The following PTPRD variants were observed in gnomAD, a reference collection of about 807,000 sequenced individuals.
PTPRD encodes the protein receptor-type tyrosine-protein phosphatase delta.
In PTPRD, 34 loss-of-function variants were observed where a neutral mutation model predicts 214.5. The ratio of observed to expected loss-of-function variants is 0.16; its 90% CI spans 0.12 to 0.21. The LOEUF is 0.21. Ranked by LOEUF, PTPRD falls within the 10% of genes least tolerant of loss-of-function variation. The pLI is 1.00. For synonymous variants in PTPRD, 1,128 were observed against 845.7 expected, an observed-to-expected ratio of 1.33 and a Z score of -5.79; for missense variants, 2,545 against 2,398.7, an observed-to-expected ratio of 1.06 and a Z score of -1.27.
At chr9:9,845,154 ATATATAGAGCAATATATATATATATATT>A (rs2059264843) in intron 5 of PTPRD, among the ~76,000 whole-genome samples, 1 of 10,058 alleles carries the variant, frequency 9.9e-5, no homozygotes, top group African/African-American at 2.1e-4. Context: ...ATATTGCTCT[ATATATAGAGCAATATATATATATATATT>A]GCTCTATATA....
chr9:10,280,195 G>T (rs1159698819), intron 3 of PTPRD, among the ~76,000 whole-genome samples: 1 of 152,002 alleles, frequency 6.6e-6, no homozygotes, highest in Non-Finnish European at 1.5e-5. Context: ...TCCAGTAGAA[G>T]TTTCCTTCCA....
rs192979543 is a variant in PTPRD at position 8,852,791 on chromosome 9, G to A, written c.-103-118845C>T. ...TGTCTCTCTCTTTTTTCCCCCTTTT[G>A]GTAATTTTCAAAATGTCATAGGCCA... On this transcript the variant is annotated intron_variant, in intron 11 of 45. Coordinates refer to ENST00000381196, the MANE Select transcript of PTPRD (RefSeq NM_002839.4). Among the ~76,000 whole-genome samples, 5 of 152,070 alleles carry A rather than the reference G, an allele frequency of 3.3e-5. No individual in the cohort carries two copies. The East Asian group carries it at 7.7e-4, about 23-fold the overall frequency.
At chr9:8,826,732 T>C (rs981128676) in intron 11 of PTPRD, among the ~76,000 whole-genome samples, 8 of 151,938 alleles carry the variant, frequency 5.3e-5, no homozygotes. Context: ...ATGGCAAGCA[T>C]AGTATCTCTT....
chr9:8,545,612 G>A (rs1426626550), intron 14 of PTPRD, among the ~76,000 whole-genome samples: 8 of 152,152 alleles, frequency 5.3e-5, no homozygotes, highest in Admixed American at 4.6e-4. Flanking sequence ...TCAAAGTCAT[G>A]CTCTTTGGTA....
At chr9:9,525,952 T>G (rs2154259753) in intron 8 of PTPRD, among the ~76,000 whole-genome samples, 1 of 152,308 alleles carries the variant, frequency 6.6e-6, no homozygotes, top group African/African-American at 2.4e-5. Context: ...CATATGTTCC[T>G]TTCAAACCAT....
chr9:8,481,203 G>T (rs10815886), intron 30 of PTPRD, among the ~76,000 whole-genome samples: 42,183 of 146,952 alleles, frequency 0.29, 5,934 homozygotes, highest in East Asian at 0.38. Flanking sequence ...ATTTTACACT[G>T]AATTTATTTT....
rs566766723 is a variant in PTPRD, at chr9:10,110,595, T to C, written c.-544-76805A>G. Among the ~76,000 whole-genome samples the C allele has an allele frequency of 3.3e-5, 5 of 150,602 alleles. No individual in the cohort carries two copies. The South Asian group carries it at 1.1e-3, about 32-fold the overall frequency. ...TTGGTTGCCTGAGATTGTTTCAAAA[T>C]GGAGGAAAAGAGCAATTTTGTCTCA... is the stretch of plus-strand genomic sequence containing the variant. On this transcript the variant is annotated intron_variant, in intron 3 of 45. Transcript: ENST00000381196.
chr9:9,591,946 G>A lies in PTPRD; in HGVS notation c.-286-17165C>T, dbSNP rs79083555. 3.2e-3 allele frequency among the ~76,000 whole-genome samples: 484 copies of A among 151,962 alleles called. 9 individuals are homozygous for A. Among genetic ancestry groups the A allele is most frequent in the Admixed American group, 0.024 (368 of 15,254 alleles). ...AATTGTAATTTTGTACCCAATCACC[G>A]GTCTCTCTCCATTCTCCCCACACAG... On this transcript the variant is annotated intron_variant, in intron 7 of 45. Coordinates refer to ENST00000381196, the MANE Select transcript of PTPRD (RefSeq NM_002839.4).
At position 10,566,880 on chromosome 9, in the gene PTPRD, C is replaced by G. The variant is rs1450102991; in HGVS notation, c.-600+45518G>C. ...TCAAAATCATTCTCTCCCTTATCCT[C>G]ATAGGAATAGTCTGTTTATCCAGCA... is the stretch of plus-strand genomic sequence containing the variant. On this transcript the variant is annotated intron_variant, in intron 2 of 45. Transcript: ENST00000381196. 9.2e-5 allele frequency among the ~76,000 whole-genome samples: 14 copies of G among 152,172 alleles called. No homozygotes were observed. In the East Asian group the frequency reaches 2.5e-3, roughly 27 times the overall value.
chr9:9,599,618 A>C (rs1376844511), intron 7 of PTPRD, among the ~76,000 whole-genome samples: 1 of 151,640 alleles, frequency 6.6e-6, no homozygotes. Context: ...CATTCTGAGT[A>C]ATTTCCACAA....
intron 2 of PTPRD, among the ~76,000 whole-genome samples, chr9:10,470,393 A>G (rs140947330): frequency 1.6e-3 from 238 of 152,312 alleles, no homozygotes; most frequent in African/African-American, 5.4e-3. Flanking sequence ...ATCATAGTAA[A>G]TGGATTTCAA....
chr9:8,830,601 C>T (rs1046783513), intron 11 of PTPRD, among the ~76,000 whole-genome samples: 2 of 152,100 alleles, frequency 1.3e-5, no homozygotes, highest in African/African-American at 4.8e-5. Context: ...CAACTCCCCC[C>T]AGTGAGGAGT....
intron 3 of PTPRD, among the ~76,000 whole-genome samples, chr9:10,190,740 A>AAAAAAAAAAT (rs2099360356): frequency 6.6e-6 from 1 of 151,272 alleles, no homozygotes; most frequent in African/African-American, 2.4e-5. Flanking sequence ...AAAAAAAAAA[A>AAAAAAAAAAT]AAAGTCAAAG....
intron 5 of PTPRD, among the ~76,000 whole-genome samples, chr9:9,923,755 C>T (rs926102563): frequency 1.3e-5 from 2 of 151,886 alleles, no homozygotes; most frequent in Non-Finnish European, 2.9e-5. Context: ...GAGAAGTACA[C>T]ATCTAAAATG....
At chr9:9,374,938 G>A (rs1376674603) in intron 9 of PTPRD, among the ~76,000 whole-genome samples, 2 of 152,078 alleles carry the variant, frequency 1.3e-5, no homozygotes, top group Non-Finnish European at 2.9e-5. Context: ...TTTGAATTTG[G>A]CTTGATATAA....
intron 4 of PTPRD, among the ~76,000 whole-genome samples, chr9:9,965,225 T>C (rs2094603761): frequency 6.6e-6 from 1 of 152,150 alleles, no homozygotes; most frequent in African/African-American, 2.4e-5. Context: ...TAAACTGCTG[T>C]GGAACCTCAG....
At chr9:9,535,439 G>C (rs563136450) in intron 8 of PTPRD, among the ~76,000 whole-genome samples, 12 of 152,174 alleles carry the variant, frequency 7.9e-5, no homozygotes, top group East Asian at 1.9e-4. Flanking sequence ...ATGTTAGTTT[G>C]GTGTTTGATA....
chr9:9,305,248 G>A lies in PTPRD; in HGVS notation c.-203+92201C>T, dbSNP rs1435002252. On this transcript the variant is annotated intron_variant, in intron 9 of 45. Transcript: ENST00000381196. The stretch of plus-strand genomic sequence containing the variant: ...CAGTTTCATTTTCTATTCTGTCATT[G>A]TAGATATTTACTTTTTTTGTTCTTT... Among the ~76,000 whole-genome samples, 8 of 151,742 alleles carry A rather than the reference G, an allele frequency of 5.3e-5. No homozygotes were observed. In the Admixed American group the frequency reaches 5.3e-4, roughly 10 times the overall value.
At chr9:10,426,528 T>C (rs2098619366) in intron 2 of PTPRD, among the ~76,000 whole-genome samples, 1 of 152,040 alleles carries the variant, frequency 6.6e-6, no homozygotes, top group African/African-American at 2.4e-5. Flanking sequence ...TTAAAAGCCA[T>C]TGGTCCATAT....
Sources: gnomAD v4.1 joint callset for allele counts (sites outside exome capture counted in the v4.1 genomes callset) on GRCh38, gnomAD v4.1.1 for gene constraint, MANE v1.5 for transcripts, NCBI Gene and HGNC (gene_info 2026-07-23, HGNC 2026-07-21) for gene names.